Variants in ZNF292 observed in about 807,000 individuals in gnomAD.
ZNF292 encodes zinc finger protein 292.
ZNF292 carries 26 observed loss-of-function variants against 217.9 expected under a neutral mutation model. The observed-to-expected ratio is 0.12, with a 90% CI of 0.09 to 0.17. ZNF292 has a LOEUF of 0.17. ZNF292 is among the 10% of genes least tolerant of loss of function. The pLI, the probability that ZNF292 is intolerant of heterozygous loss-of-function variation, is 1.00. For synonymous variants in ZNF292, 1,257 were observed against 1,124.1 expected (o/e 1.12, Z -2.37); for missense variants, 2,904 against 3,175.2 (o/e 0.91, Z 2.05).
intron 4 of ZNF292, among the ~76,000 whole-genome samples, chr6:87,220,710 T>G (rs188144025): frequency 3.0e-4 from 45 of 152,360 alleles, no homozygotes; most frequent in African/African-American, 1.1e-3. Context: ...TCTTTACTTG[T>G]TTGAATGTGC....
intron 1 of ZNF292, among the ~76,000 whole-genome samples, chr6:87,182,441 T>C (rs1427018625): frequency 6.6e-6 from 1 of 152,194 alleles, no homozygotes; most frequent in African/African-American, 2.4e-5. Flanking sequence ...CTTTTAAAAA[T>C]TTCCCCAAGT....
chr6:87,259,032 G>A lies in ZNF292; in HGVS notation c.5403G>A (p.Val1801=). 1 of 1,613,460 alleles carries A rather than the reference G, an allele frequency of 6.2e-7. No homozygotes were observed. Among genetic ancestry groups the A allele is most frequent in the Non-Finnish European group, 8.5e-7 (1 of 1,179,660 alleles). Residue 1801 remains valine, a synonymous_variant, in exon 8 of 8, where the codon GTG becomes GTA. Transcript: ENST00000369577. ...TTCAGCTTCCTTCAGTAAACACTGT[G>A]CAAAATAACAAATTACCCGATTCTT... ...YNIQLPSVNT[V]QNNKLPDSSP...
rs1410023961 is a variant in ZNF292 at position 87,258,530 on chromosome 6, T to G, written c.4901T>G (p.Val1634Gly). ...AGTGCTTCTAAGAGAAGAAAGAAAGTTGCTCCTCCACTAATTGCACCTAAC... is the reference window on the plus strand; with the variant it reads ...AGTGCTTCTAAGAGAAGAAAGAAAGGTGCTCCTCCACTAATTGCACCTAAC... ...GNSASKRRKK[V>G]APPLIAPNAS... The change falls in exon 8 of 8, where the codon GTT (valine) becomes GGT (glycine). Residue 1634 changes from valine (V) to glycine (G), a missense_variant. Physicochemically the swap from Val to Gly is moderately radical, Grantham distance 109. Transcript: ENST00000369577. 1.2e-6 allele frequency: 2 copies of G among 1,613,630 alleles called. No individual in the cohort carries two copies. Among genetic ancestry groups the G allele is most frequent in the Non-Finnish European group, 1.7e-6 (2 of 1,179,758 alleles).
At chr6:87,215,781 A>G (rs1328797251) in intron 1 of ZNF292, 122 bp from the exon 2 acceptor site, 2 of 672,326 alleles carry the variant, frequency 3.0e-6, no homozygotes, top group East Asian at 3.2e-5. Flanking sequence ...AATATAAACT[A>G]CTTTTTGTTT....
chr6:87,220,616 T>A (rs1773033666), intron 4 of ZNF292, among the ~76,000 whole-genome samples: 1 of 152,188 alleles, frequency 6.6e-6, no homozygotes, highest in African/African-American at 2.4e-5. Flanking sequence ...TTTGCCAAAT[T>A]CACATATTAT....
At position 87,259,422 on chromosome 6, in the gene ZNF292, A is replaced by G. The variant is rs1352344876; in HGVS notation, c.5793A>G (p.Pro1931=). The G allele has an allele frequency of 1.2e-6, 2 of 1,600,276 alleles. No homozygotes were observed. The highest frequency in any genetic ancestry group is 2.2e-5 in the South Asian group (2 of 89,474). Residue 1931 remains proline (P), a synonymous_variant, in exon 8 of 8, where the codon CCA becomes CCG. Transcript: ENST00000369577. The part of the protein sequence containing the change: ...KHYGKIHQYT[P]EMILEIKKNQ... ...ATGGTAAAATTCATCAATACACTCC[A>G]GAAATGATTCTTGAAATTAAGAAGA... is the stretch of plus-strand genomic sequence containing the variant.
rs552832770 is a variant in ZNF292 at position 87,231,964 on chromosome 6, A to T, written c.539-1361A>T. On this transcript the variant is annotated intron_variant, in intron 4 of 7. Transcript: ENST00000369577. Reference sequence around the variant, plus strand: ...TTGCTTTGGCAGTGAACTAAACTGTAACTGCATTGTAATTGTCCTAATAGG... The same window carrying T: ...TTGCTTTGGCAGTGAACTAAACTGTTACTGCATTGTAATTGTCCTAATAGG... Among the ~76,000 whole-genome samples, 6 of 152,304 alleles carry T rather than the reference A, an allele frequency of 3.9e-5. No homozygotes were observed. The East Asian group carries it at 7.7e-4, about 20-fold the overall frequency.
Position 87,256,545 on chromosome 6 carries a change from G to T in ZNF292, c.2916G>T (p.Thr972=), listed in dbSNP as rs775123133. ...AAGCACTGGTCACAGACTTACATACGCCAGTTGAAGATACTTGTAATGATT... is the reference window on the plus strand; with the variant it reads ...AAGCACTGGTCACAGACTTACATACTCCAGTTGAAGATACTTGTAATGATT... ...SGEALVTDLH[T]PVEDTCNDLC... Residue 972 remains threonine (T), a synonymous_variant, in exon 8 of 8, where the codon ACG becomes ACT. Coordinates refer to ENST00000369577, the MANE Select transcript of ZNF292 (RefSeq NM_015021.3). 14 of 1,613,302 alleles carry T rather than the reference G, an allele frequency of 8.7e-6. No homozygotes were observed. Among genetic ancestry groups the T allele is most frequent in the Non-Finnish European group, 1.2e-5 (14 of 1,179,816 alleles).
intron 7 of ZNF292, among the ~76,000 whole-genome samples, chr6:87,250,023 T>TAAAAAAA (rs60486090): frequency 1.0e-5 from 1 of 99,242 alleles, no homozygotes; most frequent in African/African-American, 4.0e-5. Flanking sequence ...TGGTAACCCT[T>TAAAAAAA]AAAAAAAAAA....
chr6:87,211,216 T>C (rs570981836), intron 1 of ZNF292, among the ~76,000 whole-genome samples: 12 of 152,268 alleles, frequency 7.9e-5, no homozygotes, highest in African/African-American at 2.9e-4. Flanking sequence ...TGTTCTGTTT[T>C]TGGTTTACTC....
intron 7 of ZNF292, among the ~76,000 whole-genome samples, chr6:87,246,343 A>G (rs1774582566): frequency 6.6e-6 from 1 of 152,254 alleles, no homozygotes; most frequent in Non-Finnish European, 1.5e-5. Context: ...AAATTTTACA[A>G]ACAGCCACAA....
intron 1 of ZNF292, among the ~76,000 whole-genome samples, chr6:87,187,535 A>G (rs1485375439): frequency 6.6e-6 from 1 of 151,980 alleles, no homozygotes; most frequent in Non-Finnish European, 1.5e-5. Flanking sequence ...CCTGGCCAAC[A>G]TGGTGAAACC....
intron 6 of ZNF292, among the ~76,000 whole-genome samples, chr6:87,245,067 C>A (rs1414571970): frequency 6.6e-6 from 1 of 151,956 alleles, no homozygotes; most frequent in African/African-American, 2.4e-5. Flanking sequence ...ATGGTGAAAC[C>A]CCATCTCTAC....
chr6:87,222,704 TATTA>T (rs1433899485), intron 4 of ZNF292: 6 of 417,004 alleles, frequency 1.4e-5, no homozygotes, highest in East Asian at 1.4e-4. Flanking sequence ...TATACTTTGT[TATTA>T]ATTAATCCAT....
chr6:87,250,622 G>T (rs1211864027), intron 7 of ZNF292, among the ~76,000 whole-genome samples: 2 of 152,184 alleles, frequency 1.3e-5, no homozygotes, highest in Admixed American at 6.5e-5. Flanking sequence ...TAGTTTGTAT[G>T]CAAATACTAT....
At chr6:87,215,835 A>G in intron 1 of ZNF292, 68 bp from the exon 2 acceptor site, 1 of 1,288,238 alleles carries the variant, frequency 7.8e-7, no homozygotes, top group South Asian at 1.7e-5. Context: ...TCAGGAAAAA[A>G]CAGCTGATGA....
chr6:87,258,887 A>C lies in ZNF292; in HGVS notation c.5258A>C (p.Gln1753Pro), dbSNP rs1218773626. Reference sequence around the variant, plus strand: ...CAGATTTCTGAAGACAATGTTATACAAAACTTTGAAAAGACTCTTGAAATT... The same window carrying C: ...CAGATTTCTGAAGACAATGTTATACCAAACTTTGAAAAGACTCTTGAAATT... ...DLQISEDNVI[Q>P]NFEKTLEIIK... The change falls in exon 8 of 8, where the codon CAA becomes CCA. Residue 1753 changes from glutamine (Q) to proline (P), a missense_variant. Physicochemically the swap from Gln to Pro is moderately conservative, Grantham distance 76. Transcript: ENST00000369577. The C allele has an allele frequency of 6.2e-7, 1 of 1,606,794 alleles. No individual in the cohort carries two copies. The highest frequency in any genetic ancestry group is 8.5e-7 in the Non-Finnish European group (1 of 1,175,962).
In ZNF292 at chr6:87,259,336, G is replaced by C; in HGVS notation, c.5707G>C (p.Val1903Leu). The C allele has an allele frequency of 6.2e-7, 1 of 1,613,450 alleles. No individual in the cohort carries two copies. Among genetic ancestry groups the C allele is most frequent in the Non-Finnish European group, 8.5e-7 (1 of 1,179,656 alleles). The stretch of plus-strand genomic sequence containing the variant: ...TAATGACAAAGTTAATAAACCCTTT[G>C]TGTGTCAAAACCAAGGCTGTAACTA... ...QFNDKVNKPFVCQNQGCNYSA... is the reference protein window; with the variant it reads ...QFNDKVNKPFLCQNQGCNYSA... The change falls in exon 8 of 8, where the codon GTG becomes CTG. Residue 1903 changes from valine to leucine, a missense_variant. Around this residue, in one of 15 missense-constraint regions of ZNF292, gnomAD observed 50 missense variants for 90.5 expected, o/e 0.55. Transcript: ENST00000369577.
chr6:87,187,161 T>G (rs1771689685), intron 1 of ZNF292, among the ~76,000 whole-genome samples: 1 of 152,224 alleles, frequency 6.6e-6, no homozygotes. Context: ...ATTCCTGCAG[T>G]AACTAGAAAA....
Sources: allele counts gnomAD v4.1 joint callset (sites outside exome capture counted in the v4.1 genomes callset), GRCh38; gene constraint gnomAD v4.1.1; regional missense constraint gnomAD v4.1.1; transcripts MANE v1.5; gene names NCBI Gene and HGNC (gene_info 2026-07-23, HGNC 2026-07-21).